CNPPD1: variants seen among roughly 807,000 people sequenced by gnomAD.
The protein encoded by CNPPD1 is protein CNPPD1.
A neutral mutation model predicts 43.7 loss-of-function variants in CNPPD1; 40 were observed. The ratio of observed to expected loss-of-function variants is 0.92; its 90% confidence interval spans 0.71 to 1.19. CNPPD1 has a LOEUF of 1.19. CNPPD1 is among the 50% of genes most tolerant of loss of function. The pLI is 0.00. For synonymous variants in CNPPD1, 208 were observed against 214.3 expected (o/e 0.97, Z 0.26); for missense variants, 511 against 518.5 (o/e 0.99, Z 0.14).
In CNPPD1 at chr2:219,172,663, G is replaced by A; in HGVS notation, c.1156C>T (p.Leu386Phe). ...AGGGAACATTGCTGAGGCTGAGGAA[G>A]TGAAAGGAGCACCGGGCTCCAAGGC... Reference protein sequence around the residue: ...PWPWSPVLLSLPQPQQCSLFS... With the variant: ...PWPWSPVLLSFPQPQQCSLFS... Residue 386 changes from leucine (L) to phenylalanine (F), a missense_variant, in exon 8 of 8, where the codon CTT (leucine) becomes TTT (phenylalanine). Transcript: ENST00000360507. 6.8e-6 allele frequency: 11 copies of A among 1,614,198 alleles called. No individual in the cohort carries two copies. Among genetic ancestry groups the A allele is most frequent in the African/African-American group, 1.3e-5 (1 of 75,070 alleles).
chr2:219,173,422 T>C lies in CNPPD1; in HGVS notation c.618A>G (p.Thr206=), dbSNP rs1297022513. 3.1e-6 allele frequency: 5 copies of C among 1,613,786 alleles called. No individual in the cohort carries two copies. The African/African-American group carries it at 4.0e-5, about 13-fold the overall frequency. ...QGRWRGWYTY[T]DLCVLLEQPT... ...GCTGCTCCAGCAGCACACACAGGTC[T>C]GTGTAGGTGTACCAGCCTCGCCACC... The change falls in exon 7 of 8, where the codon ACA becomes ACG. Residue 206 remains threonine, a synonymous_variant. Coordinates refer to ENST00000360507, the MANE Select transcript of CNPPD1 (RefSeq NM_015680.6).
At chr2:219,176,703 G>A (rs1025778790) in intron 1 of CNPPD1, 57 bp downstream of exon 1, 53 of 1,329,314 alleles carry the variant, frequency 4.0e-5, no homozygotes, top group Non-Finnish European at 5.0e-5. Context: ...TCGCAGCGCC[G>A]CTCAGGCCGG....
At position 219,172,689 on chromosome 2, in the gene CNPPD1, CA is replaced by C. The variant is rs527557697; in HGVS notation, c.1129del (p.Trp377GlyfsTer36). The C allele has an allele frequency of 2.7e-5, 43 of 1,613,860 alleles. No individual in the cohort carries two copies. Among genetic ancestry groups the C allele is most frequent in the African/African-American group, 2.3e-4 (17 of 74,926 alleles). On this transcript the variant is annotated frameshift_variant, in exon 8 of 8. Transcript: ENST00000360507. LOFTEE classifies it high-confidence loss of function. ...WYHTYGLAPP[W>X]PWSPVLLSLP... ...TGAAAGGAGCACCGGGCTCCAAGGC[CA>C]GGGGGGAGCCAGGCCATAGGTATGG...
chr2:219,175,635 G>T lies in CNPPD1; in HGVS notation c.216C>A (p.Ser72Arg). The T allele has an allele frequency of 6.2e-7, 1 of 1,614,014 alleles. No individual in the cohort carries two copies. The highest frequency in any genetic ancestry group is 1.3e-5 in the African/African-American group (1 of 75,028). ...AVELLQKAAP[S>R]PIRRLQKKYV... ...ATTTCTTCTGGAGTCGGCGAATAGG[G>T]CTGGGGGCTGCCTTCTGGAGCAGTT... Residue 72 changes from serine to arginine, a missense_variant, in exon 3 of 8, where the codon AGC (serine) becomes AGA (arginine). Transcript: ENST00000360507.
At chr2:219,173,304 C>T (rs751759636) in intron 7 of CNPPD1, 46 bp downstream of exon 7, 34 of 1,559,748 alleles carry the variant, frequency 2.2e-5, no homozygotes, top group Middle Eastern at 1.9e-4. Flanking sequence ...TCCCACCCTA[C>T]ACACCGGCCT....
At chr2:219,175,191 C>T in intron 3 of CNPPD1, 83 bp from the exon 4 acceptor site, 2 of 1,478,852 alleles carry the variant, frequency 1.4e-6, no homozygotes, top group Non-Finnish European at 9.0e-7. Flanking sequence ...CTGTCTTTAC[C>T]TCTTATCTTT....
upstream of CNPPD1, chr2:219,176,981 G>A (rs1449968241): frequency 3.3e-6 from 2 of 607,080 alleles, no homozygotes; most frequent in Non-Finnish European, 5.6e-6. Context: ...CCCTCCCCCC[G>A]GCGGCGGAAG....
At chr2:219,176,952 C>T, upstream of CNPPD1, 2 of 724,646 alleles carry the variant, frequency 2.8e-6, no homozygotes, top group Non-Finnish European at 4.4e-6. Context: ...CCGCCGTCCT[C>T]GCCCTCGCCC....
At chr2:219,175,729 C>T (rs148342843) in intron 2 of CNPPD1, 57 bp from the exon 3 acceptor site, 1 of 1,415,448 alleles carries the variant, frequency 7.1e-7, no homozygotes, top group African/African-American at 1.4e-5. Context: ...CCCAACACAC[C>T]AGTCCCCACT....
intron 5 of CNPPD1, 120 bp downstream of exon 5, chr2:219,174,658 G>C: frequency 2.2e-6 from 3 of 1,372,960 alleles, no homozygotes; most frequent in Non-Finnish European, 2.0e-6. Context: ...CTAACACAAA[G>C]GCAGGAGGAG....
rs200097602 is a variant in CNPPD1 at position 219,174,865 on chromosome 2, C to T, written c.423G>A (p.Glu141=). The change falls in exon 5 of 8, where the codon GAG becomes GAA. Residue 141 remains glutamate (E), a synonymous_variant. Transcript: ENST00000360507. ...CTCCCCATTCGTCGTTGAAGACCTC[C>T]TCCTCCTCCCCTTCATCATAGAGGT... ...SKYLYDEGEE[E]EVFNDEWGAA... The T allele has an allele frequency of 3.7e-6, 6 of 1,614,192 alleles. No individual in the cohort carries two copies. In the East Asian group the frequency reaches 1.1e-4, roughly 30 times the overall value.
chr2:219,174,077 C>T, intron 6 of CNPPD1, 69 bp downstream of exon 6: 1 of 1,445,438 alleles, frequency 6.9e-7, no homozygotes, highest in South Asian at 1.1e-5. Flanking sequence ...ACTCTCATCT[C>T]TAGCTCCTAT....
At chr2:219,173,161 G>A in intron 7 of CNPPD1, 33 bp from the exon 8 acceptor site, 2 of 1,532,392 alleles carry the variant, frequency 1.3e-6, no homozygotes, top group South Asian at 1.2e-5. Context: ...GAAGGAATCT[G>A]TCTTTAACAC....
In CNPPD1 at chr2:219,173,126, C is replaced by T. The variant is rs2106384880; in HGVS notation, c.693G>A (p.Leu231=). 1 of 1,574,272 alleles carries T rather than the reference C, an allele frequency of 6.4e-7. No individual in the cohort carries two copies. Residue 231 remains leucine (L), a splice_region_variant and synonymous_variant, in exon 8 of 8, where the codon CTG becomes CTA. Coordinates refer to ENST00000360507, the MANE Select transcript of CNPPD1 (RefSeq NM_015680.6). ...CATATGCCACAGCTAACAGGCAAGA[C>T]AGCTGCAGGAGAGGAGATAAGAAAG... ...LGSLCQRLVK[L]SCLLAVAYVS... is the part of the protein sequence containing the mutation.
At chr2:219,177,380 A>T (rs1473343400), upstream of CNPPD1, 1 of 153,196 alleles carries the variant, frequency 6.5e-6, no homozygotes, top group Non-Finnish European at 1.5e-5. Flanking sequence ...CAGGCGTAGC[A>T]ATGGAGAAGT....
upstream of CNPPD1, chr2:219,177,026 T>G: frequency 4.1e-6 from 2 of 491,568 alleles, no homozygotes; most frequent in Non-Finnish European, 3.6e-6. Context: ...CCTCTTCCTG[T>G]TCCGCCCCGG....
Position 219,173,195 on chromosome 2 carries a change from C to G in CNPPD1, c.691-67G>C, listed in dbSNP as rs1950103605. The G allele has an allele frequency of 1.5e-5, 23 of 1,498,280 alleles. No homozygotes were observed. In the East Asian group the frequency reaches 5.0e-4, roughly 33 times the overall value. 92.8% of individuals were successfully genotyped at this position (1,498,280 alleles called of 1,614,324 possible). A position where few individuals can be genotyped will look rare whatever the true frequency, so the allele number is the denominator to read the frequency against. ...ACATTCACCCCTTGTCTCTAGAAAT[C>G]TGTGTTCCAGTTGGAGGTCTCTATA... On this transcript the variant is annotated intron_variant, in intron 7 of 7. Coordinates refer to ENST00000360507, the MANE Select transcript of CNPPD1 (RefSeq NM_015680.6).
At chr2:219,176,084 C>T (rs918705195) in intron 2 of CNPPD1, 139 bp downstream of exon 2, 13 of 644,128 alleles carry the variant, frequency 2.0e-5, no homozygotes, top group East Asian at 1.1e-4. Context: ...GAAATGCAAA[C>T]TGCCCTCTTG....
chr2:219,173,907 G>A (rs935327686), intron 6 of CNPPD1, among the ~76,000 whole-genome samples: 5 of 152,146 alleles, frequency 3.3e-5, no homozygotes, highest in Non-Finnish European at 7.4e-5. Flanking sequence ...CTCCCAGAGT[G>A]CTAGGATTAT....
Sources: allele counts gnomAD v4.1 joint callset (sites outside exome capture counted in the v4.1 genomes callset), GRCh38; gene constraint gnomAD v4.1.1; transcripts MANE v1.5; gene names NCBI Gene and HGNC (gene_info 2026-07-23, HGNC 2026-07-21).